PTAR1: variants seen among roughly 807,000 people sequenced by gnomAD.
The protein encoded by PTAR1 is protein prenyltransferase alpha subunit repeat containing 1.
Under a neutral mutation model 45.5 loss-of-function variants are expected in PTAR1, and 17 were observed. The ratio of observed to expected loss-of-function variants is 0.37; its 90% CI spans 0.26 to 0.56. The LOEUF (loss-of-function observed/expected upper bound fraction) is 0.56. Among genes scored for constraint, PTAR1 ranks in the 20% least tolerant of loss-of-function variants. The probability of loss-of-function intolerance (pLI) is 0.77; values close to 1 mark genes in which losing one functional copy is unlikely to be tolerated. For synonymous variants in PTAR1, 169 were observed against 171.3 expected, an observed-to-expected ratio of 0.99 and a Z score of 0.11; for missense variants, 391 against 476.3, an observed-to-expected ratio of 0.82 and a Z score of 1.67.
chr9:69,753,092 C>T (rs562081398), intron 1 of PTAR1, among the ~76,000 whole-genome samples: 94 of 151,862 alleles, frequency 6.2e-4, no homozygotes, highest in Admixed American at 3.7e-3. Flanking sequence ...GTTATAGTAA[C>T]AAGAATAAAA....
chr9:69,751,601 C>T (rs1055122758), intron 1 of PTAR1, among the ~76,000 whole-genome samples: 2 of 151,818 alleles, frequency 1.3e-5, no homozygotes, highest in African/African-American at 4.8e-5. Context: ...TATACAGTTT[C>T]AATTATCTAA....
At chr9:69,734,508 C>G (rs1409711479) in intron 3 of PTAR1, among the ~76,000 whole-genome samples, 2 of 151,994 alleles carry the variant, frequency 1.3e-5, no homozygotes, top group African/African-American at 4.8e-5. Flanking sequence ...GCTCTTAAAT[C>G]AACAGATTTT....
intron 1 of PTAR1, among the ~76,000 whole-genome samples, chr9:69,754,555 T>TTTTTTTA: frequency 9.2e-6 from 1 of 108,234 alleles, no homozygotes; most frequent in African/African-American, 3.5e-5. Flanking sequence ...TTTTTTTTTT[T>TTTTTTTA]CCTGAGACAG....
intron 3 of PTAR1, among the ~76,000 whole-genome samples, chr9:69,741,066 C>A (rs1392807242): frequency 1.3e-5 from 2 of 152,114 alleles, no homozygotes; most frequent in Non-Finnish European, 2.9e-5. Context: ...CTGGATTGTG[C>A]AACCCTAGAA....
In PTAR1 at chr9:69,740,240, G is replaced by A. The variant is rs544864364; in HGVS notation, c.323+1552C>T. Among the ~76,000 whole-genome samples, 4 of 151,776 alleles carry A rather than the reference G, an allele frequency of 2.6e-5. No homozygotes were observed. In the South Asian group the frequency reaches 8.3e-4, roughly 32 times the overall value. On this transcript the variant is annotated intron_variant, in intron 3 of 7. Coordinates refer to ENST00000340434, the MANE Select transcript of PTAR1 (RefSeq NM_001099666.2). ...GTATGTATGTAGGTATATACACTATGCTAGTGAGATCATTTTTTGTTGAAG... is the reference window on the plus strand; with the variant it reads ...GTATGTATGTAGGTATATACACTATACTAGTGAGATCATTTTTTGTTGAAG...
rs1174211833 is a variant in PTAR1, at chr9:69,717,478, T to TA, written c.*863dup. On this transcript the variant is annotated 3_prime_UTR_variant, in exon 8 of 8. Transcript: ENST00000340434. ...CCTTTACTGCAATTACATAAACTCT[T>TA]AAGTTAGTTTTTTCTTAAATAACCA... 6.6e-6 allele frequency: 1 copy of TA among 152,100 alleles called. No individual in the cohort carries two copies. Among genetic ancestry groups the TA allele is most frequent in the Non-Finnish European group, 1.5e-5 (1 of 68,030 alleles). 9.4% of individuals were successfully genotyped at this position (152,100 alleles called of 1,614,324 possible).
At chr9:69,742,728 C>T (rs1826095209) in intron 2 of PTAR1, among the ~76,000 whole-genome samples, 1 of 151,872 alleles carries the variant, frequency 6.6e-6, no homozygotes, top group African/African-American at 2.4e-5. Flanking sequence ...TATAACTGAC[C>T]TATATATATT....
At chr9:69,755,705 T>C (rs1166614607) in intron 1 of PTAR1, among the ~76,000 whole-genome samples, 1 of 152,138 alleles carries the variant, frequency 6.6e-6, no homozygotes, top group Non-Finnish European at 1.5e-5. Context: ...GTAAAATATA[T>C]CTAAAGGAAC....
intron 5 of PTAR1, among the ~76,000 whole-genome samples, chr9:69,730,652 G>A (rs770166228): frequency 1.3e-5 from 2 of 148,870 alleles, no homozygotes; most frequent in Non-Finnish European, 3.0e-5. Flanking sequence ...CGATTTTTCT[G>A]TGCTCCCATT....
Position 69,717,565 on chromosome 9 carries a change from G to A in PTAR1, c.*777C>T, listed in dbSNP as rs551150758. ...TATAAATTCCAATACTTCTGACTTTGGTAATTGGGTAGAACATGCTAGAGA... is the reference window on the plus strand; with the variant it reads ...TATAAATTCCAATACTTCTGACTTTAGTAATTGGGTAGAACATGCTAGAGA... On this transcript the variant is annotated 3_prime_UTR_variant, in exon 8 of 8. Coordinates refer to ENST00000340434, the MANE Select transcript of PTAR1 (RefSeq NM_001099666.2). 27 of 151,972 alleles carry A rather than the reference G, an allele frequency of 1.8e-4. No homozygotes were observed. The highest frequency in any genetic ancestry group is 6.5e-4 in the African/African-American group (27 of 41,438). 9.4% of individuals were successfully genotyped at this position (151,972 alleles called of 1,614,324 possible). A position where few individuals can be genotyped will look rare whatever the true frequency, so the allele number is the denominator to read the frequency against.
At position 69,710,137 on chromosome 9, in the gene PTAR1, T is replaced by C. The variant is rs1425442506; in HGVS notation, c.*8205A>G. 1 of 152,114 alleles carries C rather than the reference T, an allele frequency of 6.6e-6. No homozygotes were observed. The highest frequency in any genetic ancestry group is 1.9e-4 in the East Asian group (1 of 5,192). The allele number at this position is 152,114 out of a possible 1,614,324, so 9.4% of individuals were successfully genotyped here. A position where few individuals can be genotyped will look rare whatever the true frequency, so the allele number is the denominator to read the frequency against. ...AAAGTTAAAGTCATATTTTATACTC[T>C]ATGAATCTGTACTGTCCAGTATAGT... is the stretch of plus-strand genomic sequence containing the variant. On this transcript the variant is annotated 3_prime_UTR_variant, in exon 8 of 8. Coordinates refer to ENST00000340434, the MANE Select transcript of PTAR1 (RefSeq NM_001099666.2).
At chr9:69,754,887 A>G (rs1588490565) in intron 1 of PTAR1, among the ~76,000 whole-genome samples, 1 of 151,950 alleles carries the variant, frequency 6.6e-6, no homozygotes, top group Non-Finnish European at 1.5e-5. Context: ...GTATTTTCAA[A>G]AAGTGGGATC....
intron 1 of PTAR1, among the ~76,000 whole-genome samples, chr9:69,751,285 A>C (rs1826520003): frequency 6.6e-6 from 1 of 152,098 alleles, no homozygotes; most frequent in Non-Finnish European, 1.5e-5. Context: ...TCAGATGTTC[A>C]CTGCAATGTT....
Position 69,712,422 on chromosome 9 carries a change from T to G in PTAR1, c.*5920A>C, listed in dbSNP as rs1824557556. On this transcript the variant is annotated 3_prime_UTR_variant, in exon 8 of 8. Transcript: ENST00000340434. ...TAGCATACACAAAAATAAAAATCCT[T>G]TGTAAATTTCACTTGCAATGTTGTG... The G allele has an allele frequency of 6.6e-6, 1 of 152,162 alleles. No homozygotes were observed. Among genetic ancestry groups the G allele is most frequent in the Non-Finnish European group, 1.5e-5 (1 of 68,016 alleles). The allele number at this position is 152,162 out of a possible 1,614,324, so 9.4% of individuals were successfully genotyped here.
intron 1 of PTAR1, among the ~76,000 whole-genome samples, chr9:69,754,508 C>G (rs1012844853): frequency 1.4e-5 from 2 of 145,018 alleles, no homozygotes; most frequent in Non-Finnish European, 3.0e-5. Context: ...CCCTGTTTTG[C>G]TATTAACATG....
rs906447551 is a variant in PTAR1, at chr9:69,709,789, G to C, written c.*8553C>G. The stretch of plus-strand genomic sequence containing the variant: ...GTTTGTTAATATACATGATTATATT[G>C]TAAGAATAATATAAAAACAAAATAG... On this transcript the variant is annotated 3_prime_UTR_variant, in exon 8 of 8. Transcript: ENST00000340434. 1 of 152,056 alleles carries C rather than the reference G, an allele frequency of 6.6e-6. No individual in the cohort carries two copies. The highest frequency in any genetic ancestry group is 1.9e-4 in the East Asian group (1 of 5,198). 9.4% of individuals were successfully genotyped at this position (152,056 alleles called of 1,614,324 possible).
At position 69,711,364 on chromosome 9, in the gene PTAR1, T is replaced by A. The variant is rs749959222; in HGVS notation, c.*6978A>T. The stretch of plus-strand genomic sequence containing the variant: ...GGTAGGAATGTTTATTTGTGTTTTA[T>A]AAAACTGTTTAATCTTTTTACATTA... On this transcript the variant is annotated 3_prime_UTR_variant, in exon 8 of 8. Coordinates refer to ENST00000340434, the MANE Select transcript of PTAR1 (RefSeq NM_001099666.2). 2 of 152,204 alleles carry A rather than the reference T, an allele frequency of 1.3e-5. No individual in the cohort carries two copies. Among genetic ancestry groups the A allele is most frequent in the Non-Finnish European group, 2.9e-5 (2 of 68,032 alleles). 9.4% of individuals were successfully genotyped at this position (152,204 alleles called of 1,614,324 possible).
At chr9:69,742,533 A>G (rs1826087237) in intron 2 of PTAR1, among the ~76,000 whole-genome samples, 1 of 152,096 alleles carries the variant, frequency 6.6e-6, no homozygotes, top group Admixed American at 6.5e-5. Flanking sequence ...TGATACTACT[A>G]TAAACATTTT....
rs929432030 is a variant in PTAR1 at position 69,712,491 on chromosome 9, T to C, written c.*5851A>G. 1 of 152,194 alleles carries C rather than the reference T, an allele frequency of 6.6e-6. No homozygotes were observed. Among genetic ancestry groups the C allele is most frequent in the African/African-American group, 2.4e-5 (1 of 41,454 alleles). 9.4% of individuals were successfully genotyped at this position (152,194 alleles called of 1,614,324 possible). ...TTATGCATTTGAAACTGATTATGTA[T>C]TTTATGCAAAATGGTATATTTTTCC... On this transcript the variant is annotated 3_prime_UTR_variant, in exon 8 of 8. Transcript: ENST00000340434.
Sources: allele counts gnomAD v4.1 joint callset (sites outside exome capture counted in the v4.1 genomes callset), GRCh38; gene constraint gnomAD v4.1.1; transcripts MANE v1.5; gene names NCBI Gene and HGNC (gene_info 2026-07-23, HGNC 2026-07-21).